Variants in UGT1A8 observed in about 807,000 individuals in gnomAD.
UGT1A8 encodes UDP glucuronosyltransferase family 1 member A8.
Under a neutral mutation model 45.3 loss-of-function variants are expected in UGT1A8, and 39 were observed. The observed-to-expected ratio is 0.86, with a 90% CI of 0.67 to 1.12. The LOEUF is 1.12. Ranked by LOEUF, UGT1A8 falls within the 50% of genes most tolerant of loss-of-function variation. The pLI, the probability that UGT1A8 is intolerant of heterozygous loss-of-function variation, is 0.00. For synonymous variants in UGT1A8, 275 were observed against 249.2 expected (o/e 1.10, Z -0.97); for missense variants, 719 against 664.9 (o/e 1.08, Z -0.90).
intron 1 of UGT1A8, chr2:233,761,219 T>C: frequency 6.2e-7 from 1 of 1,613,544 alleles, no homozygotes; most frequent in South Asian, 1.1e-5. Flanking sequence ...ATCGATTAAC[T>C]AGCCCCAGAT....
intron 1 of UGT1A8, among the ~76,000 whole-genome samples, chr2:233,628,862 T>C (rs1176571064): frequency 6.6e-6 from 1 of 152,182 alleles, no homozygotes; most frequent in East Asian, 1.9e-4. Context: ...TCCATACCTA[T>C]TGAGATAATT....
At chr2:233,647,300 A>G (rs2073630937) in intron 1 of UGT1A8, among the ~76,000 whole-genome samples, 1 of 152,148 alleles carries the variant, frequency 6.6e-6, no homozygotes, top group Non-Finnish European at 1.5e-5. Flanking sequence ...TTGCTGAAAT[A>G]TTGTTTTACA....
intron 1 of UGT1A8, among the ~76,000 whole-genome samples, chr2:233,661,693 G>A (rs1168675176): frequency 2.1e-5 from 1 of 47,454 alleles, no homozygotes; most frequent in Non-Finnish European, 4.3e-5. Context: ...TTAAACAAAG[G>A]TCCTTATCTG....
At chr2:233,710,235 C>T (rs1034132814) in intron 1 of UGT1A8, among the ~76,000 whole-genome samples, 2 of 152,122 alleles carry the variant, frequency 1.3e-5, no homozygotes, top group African/African-American at 2.4e-5. Flanking sequence ...TATGACTATT[C>T]GAGTACGAGT....
At chr2:233,635,739 A>G (rs531513033) in intron 1 of UGT1A8, among the ~76,000 whole-genome samples, 5 of 151,086 alleles carry the variant, frequency 3.3e-5, no homozygotes, top group African/African-American at 1.2e-4. Context: ...TATTTTCCTG[A>G]AAGAGGTCAC....
In UGT1A8 at chr2:233,760,439, A is replaced by C. The variant is rs1697446829; in HGVS notation, c.856-6595A>C. ...ATGCTTGGGGCCATCCAGCAGCTGC[A>C]GCAGAGGGGACATGAAATAGTTGTC... On this transcript the variant is annotated intron_variant, in intron 1 of 4. Transcript: ENST00000373450. 6.2e-7 allele frequency: 1 copy of C among 1,614,254 alleles called. No individual in the cohort carries two copies. The highest frequency in any genetic ancestry group is 1.7e-5 in the Admixed American group (1 of 60,030).
intron 1 of UGT1A8, among the ~76,000 whole-genome samples, chr2:233,642,012 T>C (rs1321132632): frequency 2.6e-5 from 4 of 152,222 alleles, no homozygotes; most frequent in African/African-American, 9.6e-5. Flanking sequence ...TGCTTGGTGT[T>C]CTCTAGCCTT....
At chr2:233,621,828 C>T (rs1451772576) in intron 1 of UGT1A8, among the ~76,000 whole-genome samples, 1 of 151,980 alleles carries the variant, frequency 6.6e-6, no homozygotes, top group Non-Finnish European at 1.5e-5. Flanking sequence ...TTTGCTGCAC[C>T]CATCAACTGA....
chr2:233,772,482 T>C lies in UGT1A8; in HGVS notation c.1516T>C (p.Cys506Arg). Residue 506 changes from cysteine to arginine, a missense_variant, in exon 5 of 5, where the codon TGT becomes CGT. Physicochemically the swap from Cys to Arg is radical, Grantham distance 180. Coordinates refer to ENST00000373450, the MANE Select transcript of UGT1A8 (RefSeq NM_019076.5). ...VLTVAFITFK[C>R]CAYGYRKCLG... ...GACAGTGGCCTTCATCACCTTTAAA[T>C]GTTGTGCTTATGGCTACCGGAAATG... The C allele has an allele frequency of 6.2e-7, 1 of 1,614,124 alleles. No individual in the cohort carries two copies. Among genetic ancestry groups the C allele is most frequent in the Non-Finnish European group, 8.5e-7 (1 of 1,180,034 alleles).
At chr2:233,731,639 A>T (rs2078185645) in intron 1 of UGT1A8, among the ~76,000 whole-genome samples, 1 of 152,176 alleles carries the variant, frequency 6.6e-6, no homozygotes, top group Non-Finnish European at 1.5e-5. Flanking sequence ...GCTGCATAGT[A>T]TTCCATGGTG....
intron 1 of UGT1A8, chr2:233,713,575 C>G (rs1324933073): frequency 6.2e-7 from 1 of 1,613,966 alleles, no homozygotes. Context: ...TCCTATATTC[C>G]TAGATTACTA....
rs138183896 is a variant in UGT1A8 at position 233,760,581 on chromosome 2, T to C, written c.856-6453T>C. The C allele has an allele frequency of 2.4e-4, 385 of 1,614,108 alleles. No individual in the cohort carries two copies. Among genetic ancestry groups the C allele is most frequent in the Non-Finnish European group, 3.1e-4 (370 of 1,180,052 alleles). ...AGTCTTTTGTTAGTCTCGGGCATAATGTTTTTGAGAATGATTCTTTCCTGC... is the reference window on the plus strand; with the variant it reads ...AGTCTTTTGTTAGTCTCGGGCATAACGTTTTTGAGAATGATTCTTTCCTGC... On this transcript the variant is annotated intron_variant, in intron 1 of 4. Transcript: ENST00000373450.
chr2:233,733,436 G>T (rs2078397447), intron 1 of UGT1A8, among the ~76,000 whole-genome samples: 1 of 152,134 alleles, frequency 6.6e-6, no homozygotes, highest in African/African-American at 2.4e-5. Flanking sequence ...TATGATATTG[G>T]CTGCGGGTTT....
chr2:233,674,376 C>G (rs1043073204), intron 1 of UGT1A8, among the ~76,000 whole-genome samples: 61 of 152,132 alleles, frequency 4.0e-4, no homozygotes, highest in African/African-American at 1.4e-3. Context: ...GCACTTTTCT[C>G]CCCTTTACCC....
At chr2:233,738,083 T>G (rs1690690537) in intron 1 of UGT1A8, among the ~76,000 whole-genome samples, 1 of 152,170 alleles carries the variant, frequency 6.6e-6, no homozygotes, top group Admixed American at 6.5e-5. Context: ...CCTAATCTCA[T>G]CATAGTGAGT....
At chr2:233,624,690 T>C (rs1300967275) in intron 1 of UGT1A8, among the ~76,000 whole-genome samples, 4 of 152,120 alleles carry the variant, frequency 2.6e-5, no homozygotes, top group Non-Finnish European at 5.9e-5. Context: ...CCACATGGAT[T>C]TTAGAATAAG....
chr2:233,646,844 G>A (rs531396382), intron 1 of UGT1A8, among the ~76,000 whole-genome samples: 2 of 152,274 alleles, frequency 1.3e-5, no homozygotes, highest in East Asian at 3.9e-4. Flanking sequence ...CAGTTCTAAA[G>A]TCCCTTCCAC....
At chr2:233,660,114 C>T (rs2125487107) in intron 1 of UGT1A8, among the ~76,000 whole-genome samples, 1 of 152,340 alleles carries the variant, frequency 6.6e-6, no homozygotes, top group East Asian at 1.9e-4. Flanking sequence ...TCACGCACAA[C>T]ATCTGGACAC....
intron 1 of UGT1A8, chr2:233,713,718 G>A: frequency 1.2e-6 from 2 of 1,613,904 alleles, no homozygotes; most frequent in Non-Finnish European, 1.7e-6. Flanking sequence ...TCAGAGAGAG[G>A]TGTCAGTGGT....
Sources: allele counts gnomAD v4.1 joint callset (sites outside exome capture counted in the v4.1 genomes callset), GRCh38; gene constraint gnomAD v4.1.1; transcripts MANE v1.5; gene names NCBI Gene and HGNC (gene_info 2026-07-23, HGNC 2026-07-21).